The following LRRC4C variants were observed in gnomAD, a reference collection of about 807,000 sequenced individuals.
The protein encoded by LRRC4C is leucine rich repeat containing 4C, also known as leucine-rich repeat-containing protein 4C.
LRRC4C carries 5 observed loss-of-function variants against 33.6 expected under a neutral mutation model. That is an observed-to-expected ratio of 0.15 (90% CI 0.08 to 0.31). LRRC4C has a LOEUF of 0.31. Among genes scored for constraint, LRRC4C ranks in the 10% least tolerant of loss-of-function variants. LRRC4C has a pLI of 1.00. For synonymous variants in LRRC4C, 329 were observed against 302.0 expected (o/e 1.09, Z -0.93); for missense variants, 560 against 796.7 (o/e 0.70, Z 3.58).
At chr11:40,725,540 G>T (rs1484364113) in intron 2 of LRRC4C, among the ~76,000 whole-genome samples, 1 of 151,560 alleles carries the variant, frequency 6.6e-6, no homozygotes, top group Non-Finnish European at 1.5e-5. Context: ...AAGAAGAACT[G>T]GATAAGATCC....
chr11:41,166,026 T>G (rs1410876023), intron 1 of LRRC4C, among the ~76,000 whole-genome samples: 2 of 141,330 alleles, frequency 1.4e-5, no homozygotes, highest in African/African-American at 5.2e-5. Context: ...AGCGAAATTC[T>G]GTCAAAAAAA....
intron 3 of LRRC4C, among the ~76,000 whole-genome samples, chr11:40,536,655 G>C (rs1167681444): frequency 6.6e-6 from 1 of 152,070 alleles, no homozygotes. Flanking sequence ...TCTAACGTTA[G>C]AACCTTTACA....
intron 3 of LRRC4C, among the ~76,000 whole-genome samples, chr11:40,458,788 T>C (rs1391544610): frequency 5.3e-5 from 8 of 152,186 alleles, no homozygotes; most frequent in Admixed American, 3.3e-4. Flanking sequence ...TCTTAAATGT[T>C]ACTGTATTTT....
intron 3 of LRRC4C, among the ~76,000 whole-genome samples, chr11:40,496,241 G>C (rs1954450341): frequency 6.7e-6 from 1 of 150,114 alleles, no homozygotes; most frequent in Non-Finnish European, 1.5e-5. Context: ...TGGTTACTCA[G>C]CTCTATGGAC....
chr11:40,357,584 C>A (rs1183141230), intron 3 of LRRC4C, among the ~76,000 whole-genome samples: 1 of 152,088 alleles, frequency 6.6e-6, no homozygotes, highest in Non-Finnish European at 1.5e-5. Context: ...AGACACAAAT[C>A]ATTTATTTCC....
At chr11:40,489,090 C>A (rs886813624) in intron 3 of LRRC4C, among the ~76,000 whole-genome samples, 1 of 152,074 alleles carries the variant, frequency 6.6e-6, no homozygotes, top group African/African-American at 2.4e-5. Context: ...TTACAATCAC[C>A]AGGTCCTGTC....
chr11:40,453,422 A>G (rs144244706), intron 3 of LRRC4C, among the ~76,000 whole-genome samples: 77 of 152,306 alleles, frequency 5.1e-4, no homozygotes, highest in African/African-American at 1.8e-3. Context: ...CTTCCCGTGA[A>G]GAAAAGCTCC....
chr11:41,347,491 G>A (rs1050899055), intron 1 of LRRC4C, among the ~76,000 whole-genome samples: 15 of 152,086 alleles, frequency 9.9e-5, no homozygotes, highest in Admixed American at 1.3e-4. Flanking sequence ...GGCTGCAGAT[G>A]TTAAATTTTC....
rs75831121 is a variant in LRRC4C at position 41,431,036 on chromosome 11, G to A, written c.-496+28395C>T. Among the ~76,000 whole-genome samples, 73 of 152,036 alleles carry A rather than the reference G, an allele frequency of 4.8e-4. No individual in the cohort carries two copies. The East Asian group carries it at 0.01, about 21-fold the overall frequency. On this transcript the variant is annotated intron_variant, in intron 1 of 6. Transcript: ENST00000528697. ...TTTGAATTACTCAATCAGCTTAAAT[G>A]CAAAAATTGTATTATTTTTCAAAGA...
At chr11:40,867,415 T>G (rs1470706111) in intron 2 of LRRC4C, among the ~76,000 whole-genome samples, 1 of 152,176 alleles carries the variant, frequency 6.6e-6, no homozygotes, top group East Asian at 1.9e-4. Flanking sequence ...TCTCTGGAAG[T>G]GACTATGAAG....
At chr11:40,918,371 C>G (rs1957046140) in intron 2 of LRRC4C, among the ~76,000 whole-genome samples, 3 of 151,382 alleles carry the variant, frequency 2.0e-5, no homozygotes, top group South Asian at 4.1e-4. Context: ...CCTGCAAATG[C>G]ATATTTATAT....
intron 1 of LRRC4C, among the ~76,000 whole-genome samples, chr11:40,989,623 T>G (rs1400577902): frequency 6.6e-6 from 1 of 152,134 alleles, no homozygotes; most frequent in Non-Finnish European, 1.5e-5. Context: ...GATCTCACAA[T>G]AAGGCTTACT....
chr11:40,296,247 A>G (rs1379654509), intron 4 of LRRC4C, among the ~76,000 whole-genome samples: 2 of 152,198 alleles, frequency 1.3e-5, no homozygotes, highest in Non-Finnish European at 2.9e-5. Flanking sequence ...TCATTGACTC[A>G]TTCACACTAT....
At chr11:40,502,810 G>A (rs1440108) in intron 3 of LRRC4C, among the ~76,000 whole-genome samples, 51,477 of 151,968 alleles carry the variant, frequency 0.34, 10,516 homozygotes, top group East Asian at 0.66. Context: ...TTATTTCTCT[G>A]TCTTCATCAA....
At chr11:41,359,115 C>T (rs1952259110) in intron 1 of LRRC4C, among the ~76,000 whole-genome samples, 1 of 150,476 alleles carries the variant, frequency 6.6e-6, no homozygotes, top group Admixed American at 6.6e-5. Context: ...TGGATTCCAA[C>T]TACATGACAT....
chr11:40,621,582 C>G (rs1962456285), intron 3 of LRRC4C, among the ~76,000 whole-genome samples: 1 of 151,616 alleles, frequency 6.6e-6, no homozygotes, highest in African/African-American at 2.4e-5. Flanking sequence ...ATGCTTTTAG[C>G]AATGTTTGTT....
At chr11:41,149,975 T>C (rs1385000356) in intron 1 of LRRC4C, among the ~76,000 whole-genome samples, 1 of 152,166 alleles carries the variant, frequency 6.6e-6, no homozygotes, top group East Asian at 1.9e-4. Flanking sequence ...CTAGAAAAAA[T>C]ACATTTATCT....
At chr11:40,605,372 A>G (rs1479480852) in intron 3 of LRRC4C, among the ~76,000 whole-genome samples, 1 of 152,202 alleles carries the variant, frequency 6.6e-6, no homozygotes, top group Admixed American at 6.5e-5. Context: ...GGACGGCAGA[A>G]TAGGAAGTCC....
chr11:41,240,407 C>T (rs757700633), intron 1 of LRRC4C, among the ~76,000 whole-genome samples: 2 of 152,056 alleles, frequency 1.3e-5, no homozygotes, highest in Admixed American at 6.5e-5. Context: ...GAATTAAAAA[C>T]GTACAGCCTG....
Sources: gnomAD v4.1 joint callset for allele counts (sites outside exome capture counted in the v4.1 genomes callset) on GRCh38, gnomAD v4.1.1 for gene constraint, MANE v1.5 for transcripts, NCBI Gene and HGNC (gene_info 2026-07-23, HGNC 2026-07-21) for gene names.